The following SH3RF3 variants were observed in gnomAD, a reference collection of about 807,000 sequenced individuals.
SH3RF3 encodes SH3 domain containing ring finger 3.
A neutral mutation model predicts 66.3 loss-of-function variants in SH3RF3; 29 were observed. The observed-to-expected ratio is 0.44, with a 90% CI of 0.33 to 0.60. The LOEUF (loss-of-function observed/expected upper bound fraction) is 0.60. Among genes scored for constraint, SH3RF3 ranks in the 20% least tolerant of loss-of-function variants. The pLI is 0.04. For missense variants in SH3RF3, 1,194 were observed against 1,190.9 expected, an observed-to-expected ratio of 1.00 and a Z score of -0.04; for synonymous variants, 583 against 532.0, an observed-to-expected ratio of 1.10 and a Z score of -1.32.
chr2:109,130,152 G>A (rs1676654826), intron 1 of SH3RF3, 39 bp downstream of exon 1: 10 of 1,273,496 alleles, frequency 7.9e-6, no homozygotes, highest in Non-Finnish European at 7.9e-6. Context: ...ACGGCACGTG[G>A]GAGTGTGTGG....
At chr2:109,388,077 C>T (rs1369499948) in intron 3 of SH3RF3, among the ~76,000 whole-genome samples, 1 of 152,172 alleles carries the variant, frequency 6.6e-6, no homozygotes, top group Admixed American at 6.5e-5. Flanking sequence ...AACTCTTGAC[C>T]CCTGTGCACA....
chr2:109,232,728 A>G (rs1574518706), intron 1 of SH3RF3, among the ~76,000 whole-genome samples: 1 of 152,364 alleles, frequency 6.6e-6, no homozygotes, highest in East Asian at 1.9e-4. Context: ...TGATGGAACC[A>G]GGAGCTCTAT....
At chr2:109,208,914 GAGA>G (rs972147470) in intron 1 of SH3RF3, among the ~76,000 whole-genome samples, 1 of 152,196 alleles carries the variant, frequency 6.6e-6, no homozygotes, top group Non-Finnish European at 1.5e-5. Flanking sequence ...TGGGCATCTG[GAGA>G]AGGACTGTAG....
chr2:109,388,293 T>G (rs1675878161), intron 3 of SH3RF3, among the ~76,000 whole-genome samples: 2 of 152,224 alleles, frequency 1.3e-5, no homozygotes, highest in Non-Finnish European at 2.9e-5. Context: ...ACTGATGAGT[T>G]AGTTGCAGCA....
At chr2:109,349,941 CTG>C (rs371174218) in intron 2 of SH3RF3, among the ~76,000 whole-genome samples, 3 of 152,358 alleles carry the variant, frequency 2.0e-5, no homozygotes, top group African/African-American at 7.2e-5. Flanking sequence ...GGCCCTGACT[CTG>C]TGTCGGGTAC....
At chr2:109,170,031 A>C (rs1468935084) in intron 1 of SH3RF3, among the ~76,000 whole-genome samples, 1 of 152,216 alleles carries the variant, frequency 6.6e-6, no homozygotes, top group Non-Finnish European at 1.5e-5. Flanking sequence ...CATATGGCTC[A>C]TAACTGTTAT....
At position 109,490,925 on chromosome 2, in the gene SH3RF3, G is replaced by A; in HGVS notation, c.2469G>A (p.Leu823=). The A allele has an allele frequency of 1.3e-6, 2 of 1,498,990 alleles. No homozygotes were observed. The highest frequency in any genetic ancestry group is 1.8e-6 in the Non-Finnish European group (2 of 1,123,664). The allele number at this position is 1,498,990 out of a possible 1,614,324, so 92.9% of individuals were successfully genotyped here. A position where few individuals can be genotyped will look rare whatever the true frequency, so the allele number is the denominator to read the frequency against. The change falls in exon 9 of 10, where the codon TTG becomes TTA. Residue 823 remains leucine, a synonymous_variant. Coordinates refer to ENST00000309415, the MANE Select transcript of SH3RF3 (RefSeq NM_001099289.3). ...MAAIRPEPKL[L]PRERYRVVVS... ...CCATCCGCCCCGAGCCCAAGCTGTT[G>A]CCCAGAGAGAGGTAAGTGCAGGGGC...
chr2:109,396,528 A>AT (rs1480409420), intron 3 of SH3RF3, among the ~76,000 whole-genome samples: 1 of 152,160 alleles, frequency 6.6e-6, no homozygotes, highest in Non-Finnish European at 1.5e-5. Flanking sequence ...ACCCTTTATC[A>AT]TGCCACTTAA....
At chr2:109,410,201 C>T (rs1336729597) in intron 4 of SH3RF3, among the ~76,000 whole-genome samples, 3 of 152,242 alleles carry the variant, frequency 2.0e-5, no homozygotes, top group Non-Finnish European at 2.9e-5. Context: ...CCATTGCTGA[C>T]ACCAGGCTTC....
chr2:109,262,075 G>A (rs1055420720), intron 1 of SH3RF3, among the ~76,000 whole-genome samples: 1 of 152,218 alleles, frequency 6.6e-6, no homozygotes, highest in African/African-American at 2.4e-5. Context: ...AACGGTGCCA[G>A]CAAGCATGAG....
At chr2:109,494,425 T>G (rs950820040) in intron 9 of SH3RF3, among the ~76,000 whole-genome samples, 22 of 152,142 alleles carry the variant, frequency 1.4e-4, no homozygotes, top group African/African-American at 4.8e-4. Flanking sequence ...ACAGGCTGCC[T>G]GGTATCCTGG....
chr2:109,244,265 T>C (rs6720253), intron 1 of SH3RF3, among the ~76,000 whole-genome samples: 112,101 of 152,070 alleles, frequency 0.74, 41,877 homozygotes, highest in East Asian at 0.89. Context: ...ACACAGGAGG[T>C]ACAACAAAGC....
chr2:109,417,854 C>T (rs767226263), intron 4 of SH3RF3, among the ~76,000 whole-genome samples: 32 of 152,142 alleles, frequency 2.1e-4, no homozygotes, highest in Non-Finnish European at 2.9e-4. Flanking sequence ...AGGTGGCCGG[C>T]GGCATGCAGA....
chr2:109,184,527 G>C (rs1678143239), intron 1 of SH3RF3, among the ~76,000 whole-genome samples: 1 of 152,180 alleles, frequency 6.6e-6, no homozygotes, highest in South Asian at 2.1e-4. Context: ...GATAGAGCTG[G>C]GCTGGGAGGC....
intron 8 of SH3RF3, among the ~76,000 whole-genome samples, chr2:109,464,520 A>G (rs1240716600): frequency 2.0e-5 from 3 of 152,230 alleles, no homozygotes; most frequent in Admixed American, 2.0e-4. Context: ...ACATGCATAC[A>G]TAGCCTTGCA....
chr2:109,210,894 C>CA (rs906800496), intron 1 of SH3RF3, among the ~76,000 whole-genome samples: 4 of 152,344 alleles, frequency 2.6e-5, no homozygotes, highest in Admixed American at 2.0e-4. Context: ...AAGGAAAACA[C>CA]AACCCCACTT....
intron 1 of SH3RF3, among the ~76,000 whole-genome samples, chr2:109,286,481 G>A (rs1014904761): frequency 5.3e-5 from 8 of 152,132 alleles, no homozygotes; most frequent in Non-Finnish European, 1.2e-4. Flanking sequence ...CCACAGTCCC[G>A]CACAAGGCCA....
At position 109,129,305 on chromosome 2, in the gene SH3RF3, T is replaced by C. The variant is rs1676617290; in HGVS notation, c.-236T>C. The C allele has an allele frequency of 7.9e-6, 6 of 757,338 alleles. No homozygotes were observed. The highest frequency in any genetic ancestry group is 1.9e-5 in the African/African-American group (1 of 53,788). 46.9% of individuals were successfully genotyped at this position (757,338 alleles called of 1,614,324 possible). Reference sequence around the variant, plus strand: ...TAGCCCGCAGCCGCAGGCGCTGCGCTCAGGACTGGGCGGGCTCGGCTGGCC... The same window carrying C: ...TAGCCCGCAGCCGCAGGCGCTGCGCCCAGGACTGGGCGGGCTCGGCTGGCC... On this transcript the variant is annotated 5_prime_UTR_variant, in exon 1 of 10. Coordinates refer to ENST00000309415, the MANE Select transcript of SH3RF3 (RefSeq NM_001099289.3).
intron 1 of SH3RF3, among the ~76,000 whole-genome samples, chr2:109,196,190 G>T (rs953584373): frequency 6.6e-6 from 1 of 152,192 alleles, no homozygotes; most frequent in African/African-American, 2.4e-5. Flanking sequence ...CAGCCTGGAG[G>T]CCTTGTCCAC....
Sources: gnomAD v4.1 joint callset for allele counts (sites outside exome capture counted in the v4.1 genomes callset) on GRCh38, gnomAD v4.1.1 for gene constraint, MANE v1.5 for transcripts, NCBI Gene and HGNC (gene_info 2026-07-23, HGNC 2026-07-21) for gene names.